Variants in SH3RF1 observed in about 807,000 individuals in gnomAD.
The protein encoded by SH3RF1 is SH3 domain containing ring finger 1.
Under a neutral mutation model 74.0 loss-of-function variants are expected in SH3RF1, and 32 were observed. That is an observed-to-expected ratio of 0.43 (90% CI 0.33 to 0.58). The LOEUF (loss-of-function observed/expected upper bound fraction) is 0.58, where lower values mean the gene tolerates loss of function less well. Ranked by LOEUF, SH3RF1 falls within the 20% of genes least tolerant of loss-of-function variation. The pLI is 0.05. For synonymous variants in SH3RF1, 396 were observed against 439.6 expected (o/e 0.90, Z 1.24); for missense variants, 954 against 1,130.9 (o/e 0.84, Z 2.24).
At chr4:169,224,514 TGCCATGTTG>T (rs1730625186) in intron 2 of SH3RF1, among the ~76,000 whole-genome samples, 1 of 152,072 alleles carries the variant, frequency 6.6e-6, no homozygotes, top group African/African-American at 2.4e-5. Flanking sequence ...GACGGGGTTT[TGCCATGTTG>T]GCCAGGCTGG....
intron 10 of SH3RF1, 79 bp from the exon 11 acceptor site, chr4:169,107,284 ATT>A (rs1733162503): frequency 7.8e-7 from 1 of 1,275,722 alleles, no homozygotes; most frequent in Non-Finnish European, 1.1e-6. Flanking sequence ...CCTATAGTTC[ATT>A]ACTACTTTTT....
intron 4 of SH3RF1, among the ~76,000 whole-genome samples, chr4:169,139,199 T>C (rs6824828): frequency 0.2 from 30,143 of 152,116 alleles, 3,127 homozygotes; most frequent in African/African-American, 0.27. Flanking sequence ...GTCTCAGCCT[T>C]TCAAAGTGCT....
chr4:169,245,159 T>C (rs1048800148), intron 2 of SH3RF1, among the ~76,000 whole-genome samples: 14 of 152,126 alleles, frequency 9.2e-5, no homozygotes, highest in Non-Finnish European at 1.3e-4. Context: ...ATAAGAAGAG[T>C]AACTTGTTTC....
At chr4:169,129,931 C>T (rs1459497516) in intron 6 of SH3RF1, 115 bp downstream of exon 6, 1 of 768,446 alleles carries the variant, frequency 1.3e-6, no homozygotes, top group Non-Finnish European at 2.1e-6. Context: ...AAGATAGATA[C>T]CCACCTCACC....
At chr4:169,261,130 C>G (rs577293883) in intron 2 of SH3RF1, among the ~76,000 whole-genome samples, 4 of 152,242 alleles carry the variant, frequency 2.6e-5, no homozygotes, top group African/African-American at 9.6e-5. Flanking sequence ...AGCTTAGGTC[C>G]CTATGGCTCC....
intron 4 of SH3RF1, among the ~76,000 whole-genome samples, chr4:169,154,157 C>T (rs1377012727): frequency 6.6e-6 from 1 of 152,076 alleles, no homozygotes; most frequent in African/African-American, 2.4e-5. Context: ...ACATAATGTA[C>T]AGGAAGGACT....
At chr4:169,175,754 A>T (rs899656858) in intron 2 of SH3RF1, among the ~76,000 whole-genome samples, 1 of 152,198 alleles carries the variant, frequency 6.6e-6, no homozygotes, top group Admixed American at 6.5e-5. Context: ...AGAGAATCAC[A>T]GGCCTATATC....
intron 8 of SH3RF1, among the ~76,000 whole-genome samples, chr4:169,119,513 C>CT (rs1172734058): frequency 6.6e-6 from 1 of 151,886 alleles, no homozygotes; most frequent in African/African-American, 2.4e-5. Context: ...CCTTCATTAA[C>CT]TTTATTTTTT....
rs182404001 is a variant in SH3RF1, at chr4:169,138,233, T to C, written c.766-1613A>G. On this transcript the variant is annotated intron_variant, in intron 4 of 11. Coordinates refer to ENST00000284637, the MANE Select transcript of SH3RF1 (RefSeq NM_020870.4). ...TGAAGCAAAGTAATGCTTTATATTA[T>C]AGTGGGAGTGGCCTGAACCTCACTG... Among the ~76,000 whole-genome samples the C allele has an allele frequency of 1.1e-4, 17 of 152,326 alleles. No individual in the cohort carries two copies. The East Asian group carries it at 2.7e-3, about 24-fold the overall frequency.
At chr4:169,144,496 C>G (rs73866253) in intron 4 of SH3RF1, among the ~76,000 whole-genome samples, 3,871 of 152,138 alleles carry the variant, frequency 0.025, 107 homozygotes, top group East Asian at 0.13. Context: ...TGTTAAAAGC[C>G]AGGCACAGTA....
intron 4 of SH3RF1, among the ~76,000 whole-genome samples, chr4:169,151,379 T>C (rs969640417): frequency 6.6e-6 from 1 of 152,234 alleles, no homozygotes; most frequent in East Asian, 1.9e-4. Context: ...TACCAGGCAC[T>C]ATTCTTAAGT....
chr4:169,137,949 C>A (rs1337748957), intron 4 of SH3RF1, among the ~76,000 whole-genome samples: 1 of 152,172 alleles, frequency 6.6e-6, no homozygotes, highest in Non-Finnish European at 1.5e-5. Flanking sequence ...CTTCTTCAGA[C>A]TTTAAGAAGT....
At chr4:169,154,229 T>A (rs1734016968) in intron 4 of SH3RF1, among the ~76,000 whole-genome samples, 1 of 152,126 alleles carries the variant, frequency 6.6e-6, no homozygotes, top group African/African-American at 2.4e-5. Context: ...AGGAAAAAAA[T>A]ATTTCAATAA....
intron 2 of SH3RF1, among the ~76,000 whole-genome samples, chr4:169,164,623 A>G (rs1463130930): frequency 6.6e-6 from 1 of 152,182 alleles, no homozygotes; most frequent in African/African-American, 2.4e-5. Flanking sequence ...TGCTACAGAA[A>G]AACCTGGGGA....
intron 2 of SH3RF1, among the ~76,000 whole-genome samples, chr4:169,249,096 T>C (rs1403947602): frequency 4.6e-5 from 7 of 151,914 alleles, no homozygotes; most frequent in African/African-American, 1.5e-4. Flanking sequence ...GGCATGGTGG[T>C]GGGCGCCTGT....
chr4:169,126,703 C>G (rs1376403274), intron 6 of SH3RF1, among the ~76,000 whole-genome samples: 1 of 151,956 alleles, frequency 6.6e-6, no homozygotes, highest in East Asian at 1.9e-4. Flanking sequence ...CCTGCCTCAG[C>G]CTCCCGAGTA....
chr4:169,242,069 G>A (rs1255790701), intron 2 of SH3RF1, among the ~76,000 whole-genome samples: 1 of 152,104 alleles, frequency 6.6e-6, no homozygotes, highest in Admixed American at 6.5e-5. Flanking sequence ...GGATCCTTTG[G>A]TGGGAAAGGA....
intron 11 of SH3RF1, among the ~76,000 whole-genome samples, chr4:169,105,760 C>T (rs1487294554): frequency 1.3e-5 from 2 of 152,138 alleles, no homozygotes; most frequent in African/African-American, 4.8e-5. Context: ...GTGGCACATG[C>T]TTGTGGTCCC....
intron 2 of SH3RF1, among the ~76,000 whole-genome samples, chr4:169,260,379 C>T (rs1463649924): frequency 6.6e-6 from 1 of 152,298 alleles, no homozygotes; most frequent in Non-Finnish European, 1.5e-5. Context: ...ACCGGCTCCC[C>T]ACTGCGCCTC....
Sources: gnomAD v4.1 joint callset for allele counts (sites outside exome capture counted in the v4.1 genomes callset) on GRCh38, gnomAD v4.1.1 for gene constraint, MANE v1.5 for transcripts, NCBI Gene and HGNC (gene_info 2026-07-23, HGNC 2026-07-21) for gene names.